Variants in NCOA3 observed in about 807,000 individuals in gnomAD.
NCOA3 encodes CBP-interacting protein.
In NCOA3, 51 loss-of-function variants were observed where a neutral mutation model predicts 158.8. That is an observed-to-expected ratio of 0.32 (90% CI 0.26 to 0.41). The LOEUF is 0.41. NCOA3 is among the 10% of genes least tolerant of loss of function. The pLI is 1.00. For missense variants in NCOA3, 1,510 were observed against 1,746.6 expected (o/e 0.86, Z 2.41); for synonymous variants, 537 against 592.4 (o/e 0.91, Z 1.36).
chr20:47,523,141 G>A (rs2084373090), intron 1 of NCOA3, among the ~76,000 whole-genome samples: 2 of 152,124 alleles, frequency 1.3e-5, no homozygotes, highest in South Asian at 2.1e-4. Flanking sequence ...AGCCGAGATC[G>A]CGCCACTGCA....
Position 47,542,009 on chromosome 20 carries a change from G to GTTTTTTTGTTTTTTTTTTTTTTTTTTTT in NCOA3, c.-99+39997_-99+39998insGTTTTTTTTTTTTTTTTTTTTTTTTTTT, listed in dbSNP as rs71183262. On this transcript the variant is annotated intron_variant, in intron 1 of 22. Transcript: ENST00000371998. ...ATCAAATTATTTTTTGCCCTGTAGA[G>GTTTTTTTGTTTTTTTTTTTTTTTTTTTT]TTTTTTTTTTTTTTTTTTTTTGTTG... 4.4e-4 allele frequency among the ~76,000 whole-genome samples: 25 copies of GTTTTTTTGTTTTTTTTTTTTTTTTTTTT among 56,358 alleles called. 1 individual carries two copies. Among genetic ancestry groups the GTTTTTTTGTTTTTTTTTTTTTTTTTTTT allele is most frequent in the East Asian group, 8.7e-4 (2 of 2,300 alleles). The allele number at this position is 56,358 out of a possible 152,430, so 37.0% of individuals were successfully genotyped here.
chr20:47,611,313 C>T (rs2086039550), intron 2 of NCOA3, among the ~76,000 whole-genome samples: 1 of 152,176 alleles, frequency 6.6e-6, no homozygotes, highest in South Asian at 2.1e-4. Flanking sequence ...TTCTCACTTA[C>T]CTTAGCATGG....
rs181346879 is a variant in NCOA3 at position 47,557,596 on chromosome 20, G to A, written c.-98-25587G>A. On this transcript the variant is annotated intron_variant, in intron 1 of 22. Transcript: ENST00000371998. ...AGGTGCATATATACAAATTGAGAATGTACATATTTTCCTTCAAATTAAGTA... is the reference window on the plus strand; with the variant it reads ...AGGTGCATATATACAAATTGAGAATATACATATTTTCCTTCAAATTAAGTA... 1.4e-4 allele frequency among the ~76,000 whole-genome samples: 22 copies of A among 152,246 alleles called. No individual in the cohort carries two copies. In the East Asian group the frequency reaches 4.1e-3, roughly 28 times the overall value.
At chr20:47,577,822 A>G (rs966021199) in intron 1 of NCOA3, among the ~76,000 whole-genome samples, 15 of 152,218 alleles carry the variant, frequency 9.9e-5, no homozygotes, top group African/African-American at 3.6e-4. Context: ...CTGCGTTATT[A>G]TGAATTTTCA....
intron 1 of NCOA3, among the ~76,000 whole-genome samples, chr20:47,515,504 C>A (rs1425083199): frequency 7.5e-5 from 10 of 133,828 alleles, no homozygotes; most frequent in African/African-American, 2.5e-4. Context: ...TTTTTTAAGA[C>A]AGGTCACTGG....
Position 47,654,735 on chromosome 20 carries a change from A to T in NCOA3, c.*1318A>T, listed in dbSNP as rs1277702205. 2 of 152,286 alleles carry T rather than the reference A, an allele frequency of 1.3e-5. No homozygotes were observed. Among genetic ancestry groups the T allele is most frequent in the African/African-American group, 2.4e-5 (1 of 41,416 alleles). 9.4% of individuals were successfully genotyped at this position (152,286 alleles called of 1,614,324 possible). On this transcript the variant is annotated 3_prime_UTR_variant, in exon 23 of 23. Coordinates refer to ENST00000371998, the MANE Select transcript of NCOA3 (RefSeq NM_181659.3). ...TAAGCACTTTGTTAATTTGGGGGGA[A>T]AGAATAGATATGGGGAAATAAACTT...
chr20:47,550,556 C>T (rs2084913532), intron 1 of NCOA3, among the ~76,000 whole-genome samples: 1 of 151,876 alleles, frequency 6.6e-6, no homozygotes, highest in African/African-American at 2.4e-5. Context: ...AACAAACGAC[C>T]TATTAGTTGG....
intron 2 of NCOA3, among the ~76,000 whole-genome samples, chr20:47,600,549 C>T (rs1241946550): frequency 6.7e-6 from 1 of 148,990 alleles, no homozygotes; most frequent in Non-Finnish European, 1.5e-5. Context: ...GATGGAGTCT[C>T]AGTCTGTCAC....
intron 2 of NCOA3, among the ~76,000 whole-genome samples, chr20:47,603,494 T>C (rs556149106): frequency 6.6e-6 from 1 of 152,360 alleles, no homozygotes; most frequent in East Asian, 1.9e-4. Flanking sequence ...CTCTTTTTGC[T>C]TTGCCGACCA....
Position 47,635,503 on chromosome 20 carries a change from A to G in NCOA3, c.1294A>G (p.Arg432Gly). 9 of 1,614,118 alleles carry G rather than the reference A, an allele frequency of 5.6e-6. No homozygotes were observed. The highest frequency in any genetic ancestry group is 7.6e-6 in the Non-Finnish European group (9 of 1,180,008). Residue 432 changes from arginine to glycine, a missense_variant, in exon 11 of 23, where the codon AGG (arginine) becomes GGG (glycine). Physicochemically the swap from Arg to Gly is moderately radical, Grantham distance 125. Transcript: ENST00000371998. ...PSTTGQMSGA[R>G]YGGSSNIASL... is the part of the protein sequence containing the mutation. ...CACCACAGGGCAGATGAGTGGAGCT[A>G]GGTATGGGGGTTCCAGTAACATAGC... is the stretch of plus-strand genomic sequence containing the variant.
intron 16 of NCOA3, 117 bp downstream of exon 16, chr20:47,640,168 G>C: frequency 7.2e-7 from 1 of 1,390,994 alleles, no homozygotes; most frequent in Non-Finnish European, 1.0e-6. Flanking sequence ...TGAGGTACTG[G>C]GTTGCCAGCT....
chr20:47,549,112 A>C (rs528018846), intron 1 of NCOA3, among the ~76,000 whole-genome samples: 5 of 152,192 alleles, frequency 3.3e-5, no homozygotes, highest in African/African-American at 1.2e-4. Flanking sequence ...TCTTGGGCTC[A>C]AGTGATCCTC....
At chr20:47,577,580 C>G (rs2085391553) in intron 1 of NCOA3, among the ~76,000 whole-genome samples, 1 of 152,184 alleles carries the variant, frequency 6.6e-6, no homozygotes, top group African/African-American at 2.4e-5. Flanking sequence ...ACTGAATGAA[C>G]ATAGCTTTCA....
intron 2 of NCOA3, among the ~76,000 whole-genome samples, chr20:47,614,861 T>C (rs942108186): frequency 6.6e-6 from 1 of 152,188 alleles, no homozygotes; most frequent in Non-Finnish European, 1.5e-5. Flanking sequence ...TCCTTGCCTC[T>C]GTCCCTAATA....
At chr20:47,547,744 G>T (rs6018541) in intron 1 of NCOA3, among the ~76,000 whole-genome samples, 1 of 148,732 alleles carries the variant, frequency 6.7e-6, no homozygotes, top group Non-Finnish European at 1.5e-5. Context: ...GAGATGGAGT[G>T]TCGCTCTGTC....
At chr20:47,572,062 C>G (rs1295197938) in intron 1 of NCOA3, among the ~76,000 whole-genome samples, 1 of 152,068 alleles carries the variant, frequency 6.6e-6, no homozygotes, top group Non-Finnish European at 1.5e-5. Context: ...GGGTTCTTTC[C>G]TTAAACCTCA....
At chr20:47,536,885 C>A (rs998003555) in intron 1 of NCOA3, among the ~76,000 whole-genome samples, 5 of 150,842 alleles carry the variant, frequency 3.3e-5, no homozygotes, top group Non-Finnish European at 7.4e-5. Context: ...CTCACTGCAA[C>A]CTCCGCCTCC....
chr20:47,575,009 T>G (rs1318776589), intron 1 of NCOA3, among the ~76,000 whole-genome samples: 1 of 152,206 alleles, frequency 6.6e-6, no homozygotes, highest in African/African-American at 2.4e-5. Flanking sequence ...CTCTGGGATC[T>G]TCCCCAACCT....
intron 2 of NCOA3, among the ~76,000 whole-genome samples, chr20:47,616,475 G>GA (rs1199163088): frequency 6.6e-6 from 1 of 152,040 alleles, no homozygotes; most frequent in Non-Finnish European, 1.5e-5. Flanking sequence ...TTACAGGCGT[G>GA]AGCCACCCCG....
Sources: allele counts gnomAD v4.1 joint callset (sites outside exome capture counted in the v4.1 genomes callset), GRCh38; gene constraint gnomAD v4.1.1; transcripts MANE v1.5; gene names NCBI Gene and HGNC (gene_info 2026-07-23, HGNC 2026-07-21).